MDGA2: variants seen among roughly 807,000 people sequenced by gnomAD.
The protein encoded by MDGA2 is MAM domain-containing glycosylphosphatidylinositol anchor protein 2.
In MDGA2, 40 loss-of-function variants were observed where a neutral mutation model predicts 117.8. The observed-to-expected ratio is 0.34, with a 90% CI of 0.26 to 0.44. MDGA2 has a LOEUF of 0.44. Among genes scored for constraint, MDGA2 ranks in the 20% least tolerant of loss-of-function variants. The pLI is 1.00. For missense variants in MDGA2, 1,123 were observed against 1,250.6 expected (o/e 0.90, Z 1.54); for synonymous variants, 452 against 439.0 (o/e 1.03, Z -0.37).
At chr14:46,995,360 C>G (rs1295506088) in intron 8 of MDGA2, among the ~76,000 whole-genome samples, 1 of 152,006 alleles carries the variant, frequency 6.6e-6, no homozygotes, top group Non-Finnish European at 1.5e-5. Flanking sequence ...AGTACTGTTG[C>G]AGACCAAAGT....
chr14:46,989,947 T>A (rs560610677), intron 8 of MDGA2, among the ~76,000 whole-genome samples: 2 of 152,234 alleles, frequency 1.3e-5, no homozygotes, highest in East Asian at 3.9e-4. Flanking sequence ...GAAATTAAAA[T>A]AACAGCCCCA....
chr14:47,391,116 C>T (rs1040052912), intron 1 of MDGA2, among the ~76,000 whole-genome samples: 2 of 152,296 alleles, frequency 1.3e-5, no homozygotes, highest in African/African-American at 4.8e-5. Flanking sequence ...TCTTGGCAGA[C>T]ACATAATAAC....
At chr14:47,485,928 C>T (rs567558644) in intron 1 of MDGA2, among the ~76,000 whole-genome samples, 1 of 152,308 alleles carries the variant, frequency 6.6e-6, no homozygotes, top group South Asian at 2.1e-4. Context: ...AGGGAGGGCT[C>T]TCATGGAGAA....
chr14:47,555,112 T>C (rs533109273), intron 1 of MDGA2, among the ~76,000 whole-genome samples: 1 of 152,092 alleles, frequency 6.6e-6, no homozygotes, highest in African/African-American at 2.4e-5. Context: ...TTGTGTGTGT[T>C]CTCACTGACC....
Position 46,964,919 on chromosome 14 carries a change from C to CTTTTTTTTTTTTTTTTT in MDGA2, c.1820-7293_1820-7277dup, listed in dbSNP as rs746778179. Reference sequence around the variant, plus strand: ...GAAAATATCCCCAAATATATATTTACTTTTTTTTTTTTTTTTTTTTTTGAG... The same window carrying CTTTTTTTTTTTTTTTTT: ...GAAAATATCCCCAAATATATATTTACTTTTTTTTTTTTTTTTTTTTTTTTTTTTTTTTTTTTTTTGAG... On this transcript the variant is annotated intron_variant, in intron 8 of 16. Transcript: ENST00000399232. Among the ~76,000 whole-genome samples the CTTTTTTTTTTTTTTTTT allele has an allele frequency of 7.8e-5, 7 of 89,790 alleles. 2 individuals are homozygous for CTTTTTTTTTTTTTTTTT. Among genetic ancestry groups the CTTTTTTTTTTTTTTTTT allele is most frequent in the Admixed American group, 2.5e-4 (2 of 8,098 alleles). The allele number at this position is 89,790 out of a possible 152,430, so 58.9% of individuals were successfully genotyped here. A position where few individuals can be genotyped will look rare whatever the true frequency, so the allele number is the denominator to read the frequency against.
chr14:47,663,429 T>G (rs6572442), intron 1 of MDGA2, among the ~76,000 whole-genome samples: 151,581 of 152,312 alleles, frequency 1, 75,432 homozygotes, highest in East Asian at 1. Context: ...ACATGGAGAA[T>G]AATAATTGAA....
intron 1 of MDGA2, among the ~76,000 whole-genome samples, chr14:47,355,115 A>G (rs555960881): frequency 3.9e-5 from 6 of 152,308 alleles, no homozygotes; most frequent in African/African-American, 1.4e-4. Flanking sequence ...GGGAGCATGC[A>G]GGGCTGCATT....
rs139820185 is a variant in MDGA2 at position 47,240,345 on chromosome 14, G to A, written c.421-22150C>T. On this transcript the variant is annotated intron_variant, in intron 2 of 16. Coordinates refer to ENST00000399232, the MANE Select transcript of MDGA2 (RefSeq NM_001113498.3). ...AGGTGTGAGCCACCACGCCCAGCTA[G>A]AAACATTTTTTAAGAAGAAGAATAT... is the stretch of plus-strand genomic sequence containing the variant. Among the ~76,000 whole-genome samples, 191 of 151,934 alleles carry A rather than the reference G, an allele frequency of 1.3e-3. 3 individuals are homozygous for A. The highest frequency in any genetic ancestry group is 4.3e-3 in the African/African-American group (179 of 41,506).
intron 5 of MDGA2, among the ~76,000 whole-genome samples, chr14:47,097,428 C>G (rs80284793): frequency 0.019 from 2,837 of 151,934 alleles, 91 homozygotes; most frequent in African/African-American, 0.065. Context: ...AACAAAATAT[C>G]CCTTTCTTTT....
At chr14:47,457,629 T>G (rs1285794727) in intron 1 of MDGA2, among the ~76,000 whole-genome samples, 1 of 152,318 alleles carries the variant, frequency 6.6e-6, no homozygotes, top group East Asian at 1.9e-4. Context: ...AACTCGACTG[T>G]TCTTTGCCTC....
intron 1 of MDGA2, among the ~76,000 whole-genome samples, chr14:47,403,432 A>G (rs1421768962): frequency 1.3e-5 from 2 of 149,936 alleles, no homozygotes; most frequent in Non-Finnish European, 3.0e-5. Context: ...GATCACATTC[A>G]TGGTCAATAT....
chr14:47,211,861 T>G (rs908413525), intron 3 of MDGA2, among the ~76,000 whole-genome samples: 1 of 152,198 alleles, frequency 6.6e-6, no homozygotes, highest in African/African-American at 2.4e-5. Flanking sequence ...CATTCACTGT[T>G]GTGTGGCATA....
At chr14:47,660,903 G>A (rs914672835) in intron 1 of MDGA2, among the ~76,000 whole-genome samples, 2 of 151,874 alleles carry the variant, frequency 1.3e-5, no homozygotes, top group East Asian at 3.9e-4. Context: ...TTATATGAGA[G>A]AGAGTCCTCA....
chr14:47,467,350 T>C (rs2138606349), intron 1 of MDGA2, among the ~76,000 whole-genome samples: 1 of 152,112 alleles, frequency 6.6e-6, no homozygotes, highest in East Asian at 1.9e-4. Context: ...AAAAAATAAC[T>C]ATAAAAGTTT....
At chr14:47,453,100 T>C (rs1893275278) in intron 1 of MDGA2, among the ~76,000 whole-genome samples, 1 of 152,090 alleles carries the variant, frequency 6.6e-6, no homozygotes, top group African/African-American at 2.4e-5. Flanking sequence ...GTATTTCATA[T>C]GGTCTGGCTC....
At chr14:47,661,267 G>A (rs1752110693) in intron 1 of MDGA2, among the ~76,000 whole-genome samples, 2 of 151,898 alleles carry the variant, frequency 1.3e-5, no homozygotes, top group African/African-American at 2.4e-5. Flanking sequence ...ACTATATGGC[G>A]GTTATTTAAA....
intron 1 of MDGA2, among the ~76,000 whole-genome samples, chr14:47,359,327 C>A (rs938983754): frequency 1.2e-4 from 18 of 152,122 alleles, no homozygotes; most frequent in African/African-American, 4.3e-4. Context: ...GCACTCCAAC[C>A]TGGTGACATA....
intron 8 of MDGA2, among the ~76,000 whole-genome samples, chr14:46,989,176 C>T (rs1383073954): frequency 1.3e-5 from 2 of 152,032 alleles, no homozygotes; most frequent in Non-Finnish European, 2.9e-5. Flanking sequence ...TTTCAAACTT[C>T]CACTTTCTGT....
At chr14:47,186,349 A>C (rs1458562859) in intron 3 of MDGA2, among the ~76,000 whole-genome samples, 3 of 151,758 alleles carry the variant, frequency 2.0e-5, no homozygotes, top group Non-Finnish European at 3.0e-5. Context: ...TGAAAGAATA[A>C]ATTGCCAAAA....
Sources: gnomAD v4.1 joint callset for allele counts (sites outside exome capture counted in the v4.1 genomes callset) on GRCh38, gnomAD v4.1.1 for gene constraint, MANE v1.5 for transcripts, NCBI Gene and HGNC (gene_info 2026-07-23, HGNC 2026-07-21) for gene names.